Variants in DYNC1I1 observed in about 807,000 individuals in gnomAD.
DYNC1I1 encodes the protein cytoplasmic dynein 1 intermediate chain 1.
DYNC1I1 carries 43 observed loss-of-function variants against 86.6 expected under a neutral mutation model. That is an observed-to-expected ratio of 0.50 (90% CI 0.39 to 0.64). The LOEUF (loss-of-function observed/expected upper bound fraction) is 0.64, where lower values mean the gene tolerates loss of function less well. Ranked by LOEUF, DYNC1I1 falls within the 30% of genes least tolerant of loss-of-function variation. The pLI is 0.00. For synonymous variants in DYNC1I1, 262 were observed against 283.7 expected (o/e 0.92, Z 0.77); for missense variants, 604 against 788.8 (o/e 0.77, Z 2.81).
chr7:96,010,557 T>C (rs1336490949), intron 10 of DYNC1I1, among the ~76,000 whole-genome samples: 1 of 152,186 alleles, frequency 6.6e-6, no homozygotes, highest in Admixed American at 6.5e-5. Flanking sequence ...GAATGCTGTT[T>C]GTTTGAGAAA....
intron 13 of DYNC1I1, 130 bp from the exon 14 acceptor site, chr7:96,039,147 T>G: frequency 1.0e-6 from 1 of 956,258 alleles, no homozygotes; most frequent in Non-Finnish European, 1.5e-6. Context: ...AATGATTTCA[T>G]TTTGGTGGTG....
intron 1 of DYNC1I1, among the ~76,000 whole-genome samples, chr7:95,793,226 G>T (rs888510074): frequency 6.6e-6 from 1 of 152,132 alleles, no homozygotes; most frequent in Non-Finnish European, 1.5e-5. Context: ...ATCAGAGAGG[G>T]CAAGCTGGTA....
intron 14 of DYNC1I1, among the ~76,000 whole-genome samples, chr7:96,044,574 T>C (rs1381362641): frequency 6.6e-6 from 1 of 152,120 alleles, no homozygotes; most frequent in Non-Finnish European, 1.5e-5. Flanking sequence ...GTGAAAATGT[T>C]GCCACAAATG....
intron 9 of DYNC1I1, among the ~76,000 whole-genome samples, chr7:95,995,605 A>G (rs1038123025): frequency 5.0e-4 from 76 of 152,350 alleles, no homozygotes; most frequent in African/African-American, 1.8e-3. Flanking sequence ...GAGAACCTGC[A>G]GGAACTGAAA....
At chr7:95,860,679 A>G (rs1447972909) in intron 5 of DYNC1I1, among the ~76,000 whole-genome samples, 1 of 152,132 alleles carries the variant, frequency 6.6e-6, no homozygotes, top group Non-Finnish European at 1.5e-5. Context: ...ATATAGATTT[A>G]TTTCTCACAG....
intron 1 of DYNC1I1, among the ~76,000 whole-genome samples, chr7:95,775,837 C>T (rs781511260): frequency 6.6e-6 from 1 of 152,192 alleles, no homozygotes; most frequent in Admixed American, 6.5e-5. Context: ...GGGAACTGTG[C>T]TGGAACTAGG....
At chr7:96,036,490 A>T (rs1300306983) in intron 13 of DYNC1I1, among the ~76,000 whole-genome samples, 2 of 152,126 alleles carry the variant, frequency 1.3e-5, no homozygotes, top group Non-Finnish European at 2.9e-5. Flanking sequence ...CAAGTTGACA[A>T]TTTCATATAT....
At chr7:96,005,717 T>A (rs1302664901) in intron 10 of DYNC1I1, among the ~76,000 whole-genome samples, 1 of 152,176 alleles carries the variant, frequency 6.6e-6, no homozygotes, top group Non-Finnish European at 1.5e-5. Context: ...TCGGCAGATA[T>A]GTTGAAATTG....
chr7:96,026,446 A>T (rs1428193893), intron 10 of DYNC1I1, among the ~76,000 whole-genome samples: 2 of 151,306 alleles, frequency 1.3e-5, no homozygotes, highest in Non-Finnish European at 2.9e-5. Context: ...TTTTTTTGTT[A>T]CTACTTTGCT....
rs201238773 is a variant in DYNC1I1, at chr7:95,943,098, T to C, written c.491-34414T>C. On this transcript the variant is annotated intron_variant, in intron 6 of 16. Coordinates refer to ENST00000447467, the MANE Select transcript of DYNC1I1 (RefSeq NM_001135556.2). The stretch of plus-strand genomic sequence containing the variant: ...AAGTCAAATTGTCCCTGTTTGCAGA[T>C]GACATGATTGTATATCTAGAAAACC... Among the ~76,000 whole-genome samples, 1,223 of 131,476 alleles carry C rather than the reference T, an allele frequency of 9.3e-3. 8 individuals carry two copies. The highest frequency in any genetic ancestry group is 0.064 in the East Asian group (240 of 3,722). The allele number at this position is 131,476 out of a possible 152,430, so 86.3% of individuals were successfully genotyped here.
chr7:96,033,775 C>T (rs543733063), intron 12 of DYNC1I1, among the ~76,000 whole-genome samples: 81 of 152,106 alleles, frequency 5.3e-4, no homozygotes, highest in African/African-American at 1.8e-3. Flanking sequence ...TTTGGGAGGC[C>T]GAGGTGAGAG....
chr7:95,898,797 A>C (rs1790958100), intron 6 of DYNC1I1, among the ~76,000 whole-genome samples: 1 of 152,178 alleles, frequency 6.6e-6, no homozygotes, highest in Non-Finnish European at 1.5e-5. Flanking sequence ...CGCTTTCATG[A>C]GCTTAAAGAA....
At chr7:95,883,170 G>C (rs928338285) in intron 6 of DYNC1I1, among the ~76,000 whole-genome samples, 4 of 152,100 alleles carry the variant, frequency 2.6e-5, no homozygotes, top group Non-Finnish European at 4.4e-5. Flanking sequence ...GTTTGAGGCT[G>C]GTAACATCTT....
intron 1 of DYNC1I1, among the ~76,000 whole-genome samples, chr7:95,786,220 G>C (rs1427000242): frequency 6.6e-6 from 1 of 152,052 alleles, no homozygotes; most frequent in Non-Finnish European, 1.5e-5. Flanking sequence ...ATTGCGCCCT[G>C]CCACCTCAAA....
At chr7:96,079,638 G>A (rs1234549732) in intron 15 of DYNC1I1, among the ~76,000 whole-genome samples, 1 of 152,036 alleles carries the variant, frequency 6.6e-6, no homozygotes, top group East Asian at 1.9e-4. Flanking sequence ...TTTATTAAAG[G>A]AGATATAAGG....
At chr7:95,791,436 T>C (rs1244907224) in intron 1 of DYNC1I1, among the ~76,000 whole-genome samples, 1 of 152,238 alleles carries the variant, frequency 6.6e-6, no homozygotes, top group African/African-American at 2.4e-5. Flanking sequence ...TTGCTTGTTA[T>C]CAGTTATTTT....
At chr7:95,832,835 AT>A (rs1164419860) in intron 5 of DYNC1I1, among the ~76,000 whole-genome samples, 2 of 151,850 alleles carry the variant, frequency 1.3e-5, no homozygotes, top group African/African-American at 4.8e-5. Context: ...TTTCTTGTAC[AT>A]TTGTTTGAGT....
intron 13 of DYNC1I1, 109 bp from the exon 14 acceptor site, chr7:96,039,168 C>A: frequency 1.6e-6 from 2 of 1,264,760 alleles, no homozygotes; most frequent in South Asian, 1.6e-5. Context: ...TGTGGTTGTT[C>A]TAAATTATGG....
intron 7 of DYNC1I1, among the ~76,000 whole-genome samples, chr7:95,982,614 T>C (rs1479408109): frequency 6.6e-6 from 1 of 152,126 alleles, no homozygotes; most frequent in African/African-American, 2.4e-5. Flanking sequence ...ACTAGAAAGA[T>C]TTTTTAATAT....
Sources: gnomAD v4.1 joint callset for allele counts (sites outside exome capture counted in the v4.1 genomes callset) on GRCh38, gnomAD v4.1.1 for gene constraint, MANE v1.5 for transcripts, NCBI Gene and HGNC (gene_info 2026-07-23, HGNC 2026-07-21) for gene names.